Variants in UPF3A observed in about 807,000 individuals in gnomAD.
UPF3A encodes regulator of nonsense transcripts 3A.
In UPF3A, 42 loss-of-function variants were observed where a neutral mutation model predicts 53.5. The observed-to-expected ratio is 0.78, with a 90% confidence interval of 0.61 to 1.01. The LOEUF is 1.01. UPF3A is among the 50% of genes least tolerant of loss of function. UPF3A has a pLI of 0.00. For missense variants in UPF3A, 575 were observed against 598.0 expected (o/e 0.96, Z 0.40); for synonymous variants, 237 against 225.3 (o/e 1.05, Z -0.47).
At position 114,281,724 on chromosome 13, in the gene UPF3A, C is replaced by A. The variant is rs1415594770; in HGVS notation, c.85C>A (p.Leu29Ile). Residue 29 changes from leucine (L) to isoleucine (I), a missense_variant, in exon 1 of 10, where the codon CTA becomes ATA. By Grantham distance (5) the Leu-to-Ile change is conservative (BLOSUM62 2). Around this residue, in one of 2 missense-constraint regions of UPF3A, gnomAD observed 252 missense variants for 182.7 expected, o/e 1.38. Transcript: ENST00000375299. ...GPSGREKLSA[L>I]EVQFHRDSQQ... Reference sequence around the variant, plus strand: ...GAGCGGGAGGGAGAAGCTGTCGGCCCTAGAAGTGCAGTTCCACCGCGACTC... The same window carrying A: ...GAGCGGGAGGGAGAAGCTGTCGGCCATAGAAGTGCAGTTCCACCGCGACTC... 1 of 1,556,920 alleles carries A rather than the reference C, an allele frequency of 6.4e-7. No individual in the cohort carries two copies. Among genetic ancestry groups the A allele is most frequent in the East Asian group, 2.4e-5 (1 of 41,466 alleles).
intron 7 of UPF3A, among the ~76,000 whole-genome samples, chr13:114,292,450 G>A (rs545389707): frequency 1.9e-4 from 28 of 148,032 alleles, no homozygotes; most frequent in East Asian, 4.0e-4. Context: ...AGGCGTACAC[G>A]TGCAGGTGTG....
At chr13:114,300,535 ATTTTTGTTTTT>A (rs1238945382) in intron 8 of UPF3A, among the ~76,000 whole-genome samples, 1 of 130,938 alleles carries the variant, frequency 7.6e-6, no homozygotes, top group African/African-American at 3.6e-5. Flanking sequence ...TGCCTGGCTA[ATTTTTGTTTTT>A]TTTTTGTTTT....
chr13:114,296,564 G>T (rs557329556), intron 7 of UPF3A, among the ~76,000 whole-genome samples: 25 of 152,206 alleles, frequency 1.6e-4, no homozygotes, highest in Admixed American at 1.5e-3. Context: ...AGAAAACAGT[G>T]CCTTTCTGAG....
At chr13:114,299,102 A>G in intron 8 of UPF3A, 102 bp downstream of exon 8, 2 of 1,255,304 alleles carry the variant, frequency 1.6e-6, no homozygotes, top group South Asian at 4.2e-5. Context: ...TTGGAATCCA[A>G]GACTTTCCAG....
At chr13:114,285,963 C>A in intron 3 of UPF3A, 1 of 254,618 alleles carries the variant, frequency 3.9e-6, no homozygotes, top group Non-Finnish European at 7.5e-6. Flanking sequence ...AAAAGTCACC[C>A]TTTTAAAGTG....
intron 5 of UPF3A, chr13:114,286,867 A>G: frequency 2.0e-6 from 1 of 499,474 alleles, no homozygotes; most frequent in Non-Finnish European, 3.6e-6. Context: ...ATTTTAAGTT[A>G]TGATGCTTCC....
intron 2 of UPF3A, 102 bp from the exon 3 acceptor site, chr13:114,282,735 T>G (rs946968718): frequency 1.4e-5 from 21 of 1,511,818 alleles, no homozygotes; most frequent in Non-Finnish European, 1.8e-5. Context: ...CACAAAAGTT[T>G]TATCTAAAGT....
At chr13:114,295,301 A>C (rs576476225) in intron 7 of UPF3A, among the ~76,000 whole-genome samples, 87 of 67,980 alleles carry the variant, frequency 1.3e-3, no homozygotes, top group African/African-American at 4.8e-3. Context: ...GGCGTGGCAG[A>C]GCTGGCCTGC....
chr13:114,301,955 T>C lies in UPF3A; in HGVS notation c.1232T>C (p.Met411Thr), dbSNP rs140894742. The change falls in exon 9 of 10, where the codon ATG becomes ACG. Residue 411 changes from methionine to threonine, a missense_variant. Transcript: ENST00000375299. The stretch of plus-strand genomic sequence containing the variant: ...GACAGCGGGGCTCCGGGGGAGGCCA[T>C]GGAGAGACTGGGAAGAGCGCAGAGG... ...SQDSGAPGEA[M>T]ERLGRAQRCD... 9 of 1,609,928 alleles carry C rather than the reference T, an allele frequency of 5.6e-6. No individual in the cohort carries two copies. In the African/African-American group the frequency reaches 1.2e-4, roughly 22 times the overall value.
chr13:114,289,037 C>T (rs937059803), intron 5 of UPF3A, among the ~76,000 whole-genome samples: 13 of 151,722 alleles, frequency 8.6e-5, no homozygotes, highest in East Asian at 1.9e-4. Flanking sequence ...TGGCTCCTGC[C>T]GGGGTGGGGA....
At chr13:114,286,701 T>C in intron 5 of UPF3A, 72 bp downstream of exon 5, 1 of 1,233,540 alleles carries the variant, frequency 8.1e-7, no homozygotes, top group Non-Finnish European at 1.1e-6. Flanking sequence ...TTTTTTCTCT[T>C]TTTCTTGACT....
intron 7 of UPF3A, among the ~76,000 whole-genome samples, chr13:114,296,432 G>T (rs978109189): frequency 6.6e-6 from 1 of 152,122 alleles, no homozygotes; most frequent in African/African-American, 2.4e-5. Context: ...AGCACATCAA[G>T]GTGCTGGGAG....
rs1594737884 is a variant in UPF3A at position 114,281,932 on chromosome 13, G to C, written c.207+86G>C. ...GGGGAGGGAGGGGAGGGAGGGGCGGGGGCCGGGCCTCCCAGCGCGGTACGC... is the reference window on the plus strand; with the variant it reads ...GGGGAGGGAGGGGAGGGAGGGGCGGCGGCCGGGCCTCCCAGCGCGGTACGC... On this transcript the variant is annotated intron_variant, in intron 1 of 9. Coordinates refer to ENST00000375299, the MANE Select transcript of UPF3A (RefSeq NM_023011.4). The C allele has an allele frequency of 1.5e-5, 17 of 1,106,534 alleles. No individual in the cohort carries two copies. The Admixed American group carries it at 2.5e-4, about 16-fold the overall frequency. 68.5% of individuals were successfully genotyped at this position (1,106,534 alleles called of 1,614,324 possible). A position where few individuals can be genotyped will look rare whatever the true frequency, so the allele number is the denominator to read the frequency against.
intron 7 of UPF3A, 109 bp from the exon 8 acceptor site, chr13:114,298,731 G>A (rs1388385324): frequency 3.6e-6 from 4 of 1,122,206 alleles, no homozygotes; most frequent in Non-Finnish European, 4.8e-6. Flanking sequence ...ATTCTTTGCT[G>A]TGCAAACATT....
intron 7 of UPF3A, 125 bp from the exon 8 acceptor site, chr13:114,298,715 G>A (rs970502808): frequency 2.0e-6 from 2 of 995,262 alleles, no homozygotes; most frequent in African/African-American, 3.3e-5. Context: ...TGGACCTTTA[G>A]CTTTAATTCT....
intron 2 of UPF3A, 86 bp from the exon 3 acceptor site, chr13:114,282,751 G>A: frequency 1.3e-6 from 2 of 1,538,062 alleles, no homozygotes; most frequent in Non-Finnish European, 1.8e-6. Flanking sequence ...AAAGTAGTTT[G>A]TTGTGCCCAG....
chr13:114,285,096 C>T (rs1456867917), intron 3 of UPF3A: 3 of 152,158 alleles, frequency 2.0e-5, no homozygotes, highest in African/African-American at 4.8e-5. Context: ...TGATCCATAT[C>T]GAGTTACTTT....
chr13:114,302,109 C>T, intron 9 of UPF3A, 84 bp downstream of exon 9: 2 of 1,344,504 alleles, frequency 1.5e-6, no homozygotes, highest in Non-Finnish European at 9.7e-7. Flanking sequence ...CCCACTTGGC[C>T]TTGTGTCTTG....
intron 7 of UPF3A, among the ~76,000 whole-genome samples, chr13:114,294,431 T>A (rs916824292): frequency 1.3e-4 from 19 of 151,426 alleles, no homozygotes; most frequent in Non-Finnish European, 1.6e-4. Context: ...ATAGCTAATT[T>A]AAAAAAAAAT....
Sources: allele counts gnomAD v4.1 joint callset (sites outside exome capture counted in the v4.1 genomes callset), GRCh38; gene constraint gnomAD v4.1.1; regional missense constraint gnomAD v4.1.1; transcripts MANE v1.5; gene names NCBI Gene and HGNC (gene_info 2026-07-23, HGNC 2026-07-21).